SH3RF3: variants seen among roughly 807,000 people sequenced by gnomAD.
SH3RF3 encodes the protein SH3 domain containing ring finger 3.
Under a neutral mutation model 66.3 loss-of-function variants are expected in SH3RF3, and 29 were observed. The ratio of observed to expected loss-of-function variants is 0.44; its 90% CI spans 0.33 to 0.60. The LOEUF (loss-of-function observed/expected upper bound fraction) is 0.60, where lower values mean the gene tolerates loss of function less well. Among genes scored for constraint, SH3RF3 ranks in the 20% least tolerant of loss-of-function variants. SH3RF3 has a pLI of 0.04. For missense variants in SH3RF3, 1,194 were observed against 1,190.9 expected, an observed-to-expected ratio of 1.00 and a Z score of -0.04; for synonymous variants, 583 against 532.0, an observed-to-expected ratio of 1.10 and a Z score of -1.32.
chr2:109,385,517 G>A (rs1052463583), intron 3 of SH3RF3, among the ~76,000 whole-genome samples: 2 of 152,222 alleles, frequency 1.3e-5, no homozygotes, highest in African/African-American at 4.8e-5. Flanking sequence ...GGTTTCATTC[G>A]ATGTGAAGGA....
chr2:109,411,734 G>A (rs1435577727), intron 4 of SH3RF3, among the ~76,000 whole-genome samples: 2 of 152,174 alleles, frequency 1.3e-5, no homozygotes, highest in African/African-American at 2.4e-5. Flanking sequence ...CCGGCCACAC[G>A]GGAGCCACGC....
intron 1 of SH3RF3, among the ~76,000 whole-genome samples, chr2:109,283,064 G>T (rs1304522124): frequency 6.6e-6 from 1 of 152,234 alleles, no homozygotes; most frequent in African/African-American, 2.4e-5. Flanking sequence ...GTAAGTCCAG[G>T]CTTGGCCAGG....
chr2:109,143,577 T>C (rs2104840757), intron 1 of SH3RF3, among the ~76,000 whole-genome samples: 1 of 151,726 alleles, frequency 6.6e-6, no homozygotes, highest in African/African-American at 2.4e-5. Context: ...TCCCCATCTC[T>C]ACAAAAAATA....
intron 1 of SH3RF3, among the ~76,000 whole-genome samples, chr2:109,271,494 C>T (rs368162428): frequency 6.6e-6 from 1 of 152,226 alleles, no homozygotes; most frequent in East Asian, 1.9e-4. Flanking sequence ...CAACGTGAGA[C>T]TTTGCTGTCA....
chr2:109,252,268 A>G (rs1446544400), intron 1 of SH3RF3, among the ~76,000 whole-genome samples: 1 of 151,070 alleles, frequency 6.6e-6, no homozygotes, highest in African/African-American at 2.4e-5. Flanking sequence ...AAAAAAAAAA[A>G]CTTTCAACAT....
At chr2:109,217,561 AT>A (rs1679128521) in intron 1 of SH3RF3, among the ~76,000 whole-genome samples, 1 of 152,132 alleles carries the variant, frequency 6.6e-6, no homozygotes, top group Non-Finnish European at 1.5e-5. Flanking sequence ...CTTCCGGCAG[AT>A]TTTTCTCTAC....
At chr2:109,210,567 G>T (rs1558960140) in intron 1 of SH3RF3, among the ~76,000 whole-genome samples, 1 of 152,170 alleles carries the variant, frequency 6.6e-6, no homozygotes, top group Non-Finnish European at 1.5e-5. Context: ...AGGGCAAATG[G>T]CCTAAGCAGG....
chr2:109,348,240 C>A (rs1419136138), intron 2 of SH3RF3, among the ~76,000 whole-genome samples: 1 of 152,218 alleles, frequency 6.6e-6, no homozygotes, highest in Non-Finnish European at 1.5e-5. Flanking sequence ...AGGAGCAGAA[C>A]CCTCAGTTAA....
chr2:109,437,154 C>T lies in SH3RF3; in HGVS notation c.1828+8C>T, dbSNP rs566714442. 2 of 1,604,434 alleles carry T rather than the reference C, an allele frequency of 1.2e-6. No homozygotes were observed. Among genetic ancestry groups the T allele is most frequent in the East Asian group, 4.5e-5 (2 of 44,632 alleles). On this transcript the variant is annotated splice_region_variant and intron_variant, in intron 7 of 9. Transcript: ENST00000309415. Reference sequence around the variant, plus strand: ...GGAGCACCATTTCAACAGGTACCTTCACAGGGGCCTCACCCTGCAGGGCAT... The same window carrying T: ...GGAGCACCATTTCAACAGGTACCTTTACAGGGGCCTCACCCTGCAGGGCAT...
intron 8 of SH3RF3, among the ~76,000 whole-genome samples, chr2:109,481,222 C>T (rs1009392700): frequency 3.3e-5 from 5 of 152,152 alleles, no homozygotes; most frequent in Admixed American, 6.5e-5. Flanking sequence ...GGTTGGGTGG[C>T]GAGGGTCCCC....
chr2:109,130,756 G>A (rs1186286897), intron 1 of SH3RF3, among the ~76,000 whole-genome samples: 1 of 152,132 alleles, frequency 6.6e-6, no homozygotes, highest in Non-Finnish European at 1.5e-5. Context: ...TCCCACGGGG[G>A]TCATTTATAT....
intron 1 of SH3RF3, among the ~76,000 whole-genome samples, chr2:109,259,422 G>A (rs974915354): frequency 6.6e-6 from 1 of 152,234 alleles, no homozygotes; most frequent in Non-Finnish European, 1.5e-5. Context: ...ACTCTGTTGT[G>A]ATTTCTGCTG....
intron 5 of SH3RF3, among the ~76,000 whole-genome samples, chr2:109,427,920 C>CGCACGCTCCTCTGAGCATCT (rs1263594418): frequency 3.3e-5 from 5 of 152,246 alleles, no homozygotes; most frequent in Non-Finnish European, 7.3e-5. Context: ...CAGGTGCTCG[C>CGCACGCTCCTCTGAGCATCT]GCACGCTCCT....
rs149581898 is a variant in SH3RF3 at position 109,417,369 on chromosome 2, C to T, written c.1300-2170C>T. On this transcript the variant is annotated intron_variant, in intron 4 of 9. Coordinates refer to ENST00000309415, the MANE Select transcript of SH3RF3 (RefSeq NM_001099289.3). ...AAAGTGATCCTGGCATTGTTGGGGA[C>T]ACCTCCTCTTCCCTGTCTCCCTTCA... 4.6e-5 allele frequency among the ~76,000 whole-genome samples: 7 copies of T among 152,300 alleles called. No homozygotes were observed. In the East Asian group the frequency reaches 7.7e-4, roughly 17 times the overall value.
At position 109,501,570 on chromosome 2, in the gene SH3RF3, G is replaced by A. The variant is rs1466909420; in HGVS notation, c.2548G>A (p.Val850Ile). 3.8e-6 allele frequency: 3 copies of A among 779,660 alleles called. No homozygotes were observed. The highest frequency in any genetic ancestry group is 2.4e-5 in the East Asian group (1 of 41,212). The allele number at this position is 779,660 out of a possible 1,614,324, so 48.3% of individuals were successfully genotyped here. A position where few individuals can be genotyped will look rare whatever the true frequency, so the allele number is the denominator to read the frequency against. The change falls in exon 10 of 10, where the codon GTC becomes ATC. Residue 850 changes from valine to isoleucine, a missense_variant. Val to Ile is a conservative substitution (Grantham distance 29). Transcript: ENST00000309415. The part of the protein sequence containing the change: ...AEIELKEGDI[V>I]FVHKKREDGW... ...GATCGAGCTGAAGGAAGGCGACATC[G>A]TCTTTGTGCACAAGAAGCGTGAGGA...
intron 3 of SH3RF3, among the ~76,000 whole-genome samples, chr2:109,389,833 C>G (rs1223575868): frequency 6.6e-6 from 1 of 152,024 alleles, no homozygotes; most frequent in African/African-American, 2.4e-5. Context: ...TGGGGGTGCA[C>G]TGTCAGAGAA....
intron 1 of SH3RF3, among the ~76,000 whole-genome samples, chr2:109,150,557 A>G (rs1361436479): frequency 6.6e-6 from 1 of 152,218 alleles, no homozygotes; most frequent in Non-Finnish European, 1.5e-5. Flanking sequence ...GATAGGTGCT[A>G]TGATTACCCC....
intron 1 of SH3RF3, among the ~76,000 whole-genome samples, chr2:109,256,329 C>T (rs1251028725): frequency 3.3e-5 from 5 of 152,260 alleles, no homozygotes; most frequent in African/African-American, 9.6e-5. Context: ...AGTCCTGGGG[C>T]GAGCTTGGAA....
chr2:109,491,048 GAT>G, intron 9 of SH3RF3, 112 bp downstream of exon 9: 1 of 1,051,002 alleles, frequency 9.5e-7, no homozygotes, highest in Middle Eastern at 3.1e-4. Context: ...AGGTTTACCA[GAT>G]GTACCTCAAC....
Sources: gnomAD v4.1 joint callset for allele counts (sites outside exome capture counted in the v4.1 genomes callset) on GRCh38, gnomAD v4.1.1 for gene constraint, MANE v1.5 for transcripts, NCBI Gene and HGNC (gene_info 2026-07-23, HGNC 2026-07-21) for gene names.